The following TSPAN7 variants were observed in gnomAD, a reference collection of about 807,000 sequenced individuals.
TSPAN7 encodes the protein tetraspanin-7.
Under a neutral mutation model 17.6 loss-of-function variants are expected in TSPAN7, and 1 was observed. The observed-to-expected ratio is 0.06, with a 90% confidence interval of 0.02 to 0.27. The LOEUF (loss-of-function observed/expected upper bound fraction) is 0.27. Among genes scored for constraint, TSPAN7 ranks in the 10% least tolerant of loss-of-function variants. The pLI, the probability that TSPAN7 is intolerant of heterozygous loss-of-function variation, is 1.00. For missense variants in TSPAN7, 112 were observed against 201.7 expected, an observed-to-expected ratio of 0.56 and a Z score of 2.69; for synonymous variants, 78 against 79.0, an observed-to-expected ratio of 0.99 and a Z score of 0.07.
intron 1 of TSPAN7, among the ~76,000 whole-genome samples, chrX:38,577,798 A>G (rs1406749903): frequency 9.2e-6 from 1 of 108,770 alleles, no homozygotes; most frequent in Admixed American, 9.8e-5. Context: ...ATGTACCCTA[A>G]AACTTAAAGT....
At chrX:38,595,473 C>T (rs981722573) in intron 1 of TSPAN7, among the ~76,000 whole-genome samples, 2 of 112,115 alleles carry the variant, frequency 1.8e-5, no homozygotes, top group African/African-American at 3.2e-5. Flanking sequence ...GTGATGTCCT[C>T]ATTTGAAGTA....
At chrX:38,678,626 G>A (rs915782601) in intron 5 of TSPAN7, among the ~76,000 whole-genome samples, 84 of 111,835 alleles carry the variant, frequency 7.5e-4, no homozygotes, top group African/African-American at 2.6e-3. Context: ...AATGAACTTC[G>A]GGGTTCATGC....
intron 1 of TSPAN7, among the ~76,000 whole-genome samples, chrX:38,614,765 G>A (rs181924116): frequency 9.5e-4 from 107 of 112,095 alleles, no homozygotes; most frequent in African/African-American, 3.3e-3. Context: ...TGGTTTTCTG[G>A]CCCACCCAGT....
intron 5 of TSPAN7, among the ~76,000 whole-genome samples, chrX:38,677,503 C>T (rs2069862109): frequency 9.0e-6 from 1 of 111,696 alleles, no homozygotes; most frequent in Admixed American, 9.5e-5. Flanking sequence ...CATCTATAAT[C>T]CTTACAATTA....
At chrX:38,673,475 C>T (rs1236079639) in intron 3 of TSPAN7, among the ~76,000 whole-genome samples, 2 of 104,367 alleles carry the variant, frequency 1.9e-5, no homozygotes, top group Admixed American at 2.1e-4. Context: ...TCAAGCGATT[C>T]TCTTGACTCA....
intron 6 of TSPAN7, 57 bp downstream of exon 6, chrX:38,681,344 G>A: frequency 9.8e-7 from 1 of 1,023,726 alleles, no homozygotes; most frequent in African/African-American, 1.8e-5. Context: ...TCCCTCCCTG[G>A]CCTCCAGATT....
chrX:38,623,477 T>C (rs1244836836), intron 1 of TSPAN7, among the ~76,000 whole-genome samples: 1 of 109,696 alleles, frequency 9.1e-6, no homozygotes, highest in African/African-American at 3.3e-5. Context: ...CAGCGTCCTT[T>C]ACAAGTTCTT....
chrX:38,565,890 T>A (rs185145873), intron 1 of TSPAN7, among the ~76,000 whole-genome samples: 1 of 111,574 alleles, frequency 9.0e-6, no homozygotes, highest in Non-Finnish European at 1.9e-5. Context: ...TTTTTGGCCA[T>A]AGCTGGAGGG....
intron 1 of TSPAN7, among the ~76,000 whole-genome samples, chrX:38,589,059 C>T (rs1424931529): frequency 8.9e-6 from 1 of 111,811 alleles, no homozygotes; most frequent in Non-Finnish European, 1.9e-5. Flanking sequence ...CACCCCAGGT[C>T]GCAGCCAGGT....
At chrX:38,651,203 C>T (rs1281216562) in intron 1 of TSPAN7, among the ~76,000 whole-genome samples, 1 of 111,077 alleles carries the variant, frequency 9.0e-6, no homozygotes, top group African/African-American at 3.3e-5. Context: ...CGGTGGCTCA[C>T]GCCTGTAATC....
intron 1 of TSPAN7, among the ~76,000 whole-genome samples, chrX:38,592,191 C>A (rs1311111370): frequency 2.7e-5 from 3 of 111,827 alleles, no homozygotes; most frequent in Non-Finnish European, 5.6e-5. Context: ...TCCCACAACA[C>A]TGGAGATTAC....
At chrX:38,573,452 A>G (rs1399795795) in intron 1 of TSPAN7, among the ~76,000 whole-genome samples, 2 of 111,950 alleles carry the variant, frequency 1.8e-5, no homozygotes, top group Non-Finnish European at 3.8e-5. Flanking sequence ...TCTTTTTGGA[A>G]CAGCTTTAAG....
intron 2 of TSPAN7, among the ~76,000 whole-genome samples, chrX:38,667,553 C>A (rs193092379): frequency 9.0e-6 from 1 of 111,616 alleles, no homozygotes; most frequent in Admixed American, 9.5e-5. Flanking sequence ...TCCAAAGGAA[C>A]CATCTTCCCA....
chrX:38,643,780 A>G (rs1055704374), intron 1 of TSPAN7, among the ~76,000 whole-genome samples: 1 of 110,778 alleles, frequency 9.0e-6, no homozygotes, highest in Non-Finnish European at 1.9e-5. Context: ...AGGAGGCGGA[A>G]CTTGCAGTGA....
chrX:38,648,246 C>T (rs1169473944), intron 1 of TSPAN7, among the ~76,000 whole-genome samples: 1 of 111,939 alleles, frequency 8.9e-6, no homozygotes, highest in East Asian at 2.8e-4. Flanking sequence ...ATTTTTCTTC[C>T]TCCTACTGTC....
chrX:38,588,431 A>G (rs182402432), intron 1 of TSPAN7, among the ~76,000 whole-genome samples: 96 of 111,722 alleles, frequency 8.6e-4, no homozygotes, highest in African/African-American at 2.9e-3. Context: ...TTTTAGGCAA[A>G]CTATCAACAG....
At chrX:38,576,998 G>A (rs1393407914) in intron 1 of TSPAN7, among the ~76,000 whole-genome samples, 1 of 111,378 alleles carries the variant, frequency 9.0e-6, no homozygotes, top group Admixed American at 9.6e-5. Flanking sequence ...GTGAAACCAG[G>A]TTAACTAGGT....
intron 1 of TSPAN7, among the ~76,000 whole-genome samples, chrX:38,638,836 C>T (rs2069596584): frequency 9.3e-6 from 1 of 107,445 alleles, no homozygotes; most frequent in Non-Finnish European, 1.9e-5. Context: ...CAATTTAGCC[C>T]AGTATGATGC....
At chrX:38,627,856 C>G (rs192472537) in intron 1 of TSPAN7, among the ~76,000 whole-genome samples, 2 of 113,073 alleles carry the variant, frequency 1.8e-5, no homozygotes, top group Admixed American at 1.9e-4. Flanking sequence ...ATGCATGCTT[C>G]CTCTAGAGGG....
Sources: gnomAD v4.1 joint callset for allele counts (sites outside exome capture counted in the v4.1 genomes callset) on GRCh38, gnomAD v4.1.1 for gene constraint, MANE v1.5 for transcripts, NCBI Gene and HGNC (gene_info 2026-07-23, HGNC 2026-07-21) for gene names.